Variants in WWOX observed in about 807,000 individuals in gnomAD.
The protein encoded by WWOX is WW domain-containing oxidoreductase.
Under a neutral mutation model 46.2 loss-of-function variants are expected in WWOX, and 69 were observed. That is an observed-to-expected ratio of 1.49 (90% CI 1.23 to 1.82). WWOX has a LOEUF of 1.82. Ranked by LOEUF, WWOX falls within the 40% of genes most tolerant of loss-of-function variation. The pLI is 0.00. For synonymous variants in WWOX, 359 were observed against 202.6 expected (o/e 1.77, Z -6.56); for missense variants, 919 against 542.6 (o/e 1.69, Z -6.89).
intron 8 of WWOX, among the ~76,000 whole-genome samples, chr16:78,916,430 G>A (rs1265232412): frequency 6.6e-6 from 1 of 152,112 alleles, no homozygotes; most frequent in Non-Finnish European, 1.5e-5. Flanking sequence ...TTATTCACTG[G>A]GTATAATTAG....
Position 78,279,180 on chromosome 16 carries a change from A to G in WWOX, c.517-107680A>G, listed in dbSNP as rs538598150. ...ATAGCAATAATATATTAAAAGCTCC[A>G]AGGCAGTTATGTGTGAAGAAATAAA... On this transcript the variant is annotated intron_variant, in intron 5 of 8. Transcript: ENST00000566780. Among the ~76,000 whole-genome samples, 11 of 152,334 alleles carry G rather than the reference A, an allele frequency of 7.2e-5. 1 individual carries two copies. The South Asian group carries it at 2.3e-3, about 32-fold the overall frequency.
chr16:78,503,842 A>T (rs1230688188), intron 8 of WWOX: 1 of 152,246 alleles, frequency 6.6e-6, no homozygotes, highest in South Asian at 2.1e-4. Context: ...TCTAGCAAAC[A>T]GTAGTGTTGT....
chr16:78,791,292 C>T (rs550893471), intron 8 of WWOX, among the ~76,000 whole-genome samples: 12 of 152,114 alleles, frequency 7.9e-5, no homozygotes, highest in Non-Finnish European at 1.5e-4. Context: ...TCCTGTGTGT[C>T]TGGTGATGTG....
At chr16:79,182,290 C>G (rs776859274) in intron 8 of WWOX, among the ~76,000 whole-genome samples, 4 of 151,806 alleles carry the variant, frequency 2.6e-5, no homozygotes, top group Non-Finnish European at 4.4e-5. Context: ...TGGCCCTGCC[C>G]CATGATATAC....
rs1012195246 is a variant in WWOX at position 78,900,855 on chromosome 16, A to G, written c.1057-310753A>G. On this transcript the variant is annotated intron_variant, in intron 8 of 8. Coordinates refer to ENST00000566780, the MANE Select transcript of WWOX (RefSeq NM_016373.4). ...AATCAGAGCCTTTTTTTGAAAAAAA[A>G]AAAAAAGAAAAAGATAGTTGATATT... Among the ~76,000 whole-genome samples, 194 of 151,982 alleles carry G rather than the reference A, an allele frequency of 1.3e-3. 2 individuals are homozygous for G. Among genetic ancestry groups the G allele is most frequent in the African/African-American group, 4.4e-3 (182 of 41,492 alleles).
rs1050054758 is a variant in WWOX at position 79,200,689 on chromosome 16, T to G, written c.1057-10919T>G. On this transcript the variant is annotated intron_variant, in intron 8 of 8. Coordinates refer to ENST00000566780, the MANE Select transcript of WWOX (RefSeq NM_016373.4). ...AGACTAACCCTCCCTAAGCAGCTAT[T>G]GAGCCTCACACTCCCTGGACAAAGA... Among the ~76,000 whole-genome samples, 4 of 152,258 alleles carry G rather than the reference T, an allele frequency of 2.6e-5. No homozygotes were observed. The East Asian group carries it at 5.8e-4, about 22-fold the overall frequency.
chr16:78,849,300 G>A (rs1240989521), intron 8 of WWOX, among the ~76,000 whole-genome samples: 2 of 152,134 alleles, frequency 1.3e-5, no homozygotes, highest in African/African-American at 4.8e-5. Context: ...GCCGGGCGCG[G>A]TGGCTCATGC....
At chr16:78,492,635 A>G (rs2084811644) in intron 8 of WWOX, among the ~76,000 whole-genome samples, 1 of 152,230 alleles carries the variant, frequency 6.6e-6, no homozygotes. Context: ...GACTGAATTT[A>G]TGATGAAACT....
At chr16:79,001,422 G>T (rs1340675153) in intron 8 of WWOX, among the ~76,000 whole-genome samples, 1 of 152,288 alleles carries the variant, frequency 6.6e-6, no homozygotes, top group East Asian at 1.9e-4. Context: ...TAACTCGAGT[G>T]TTCTGTGAAG....
At chr16:78,564,441 A>G (rs1263750426) in intron 8 of WWOX, among the ~76,000 whole-genome samples, 1 of 152,192 alleles carries the variant, frequency 6.6e-6, no homozygotes, top group Non-Finnish European at 1.5e-5. Flanking sequence ...TATATGCTAC[A>G]GGGATATTCA....
At chr16:78,556,223 G>T (rs1375160435) in intron 8 of WWOX, among the ~76,000 whole-genome samples, 1 of 151,490 alleles carries the variant, frequency 6.6e-6, no homozygotes, top group Non-Finnish European at 1.5e-5. Context: ...CAGATGCAAG[G>T]GAGTTTGGAA....
chr16:78,977,738 C>T (rs111740301), intron 8 of WWOX, among the ~76,000 whole-genome samples: 1 of 152,124 alleles, frequency 6.6e-6, no homozygotes, highest in Non-Finnish European at 1.5e-5. Flanking sequence ...GCCTGCAAGT[C>T]TGTGACCGTC....
chr16:79,174,468 G>A (rs994688703), intron 8 of WWOX, among the ~76,000 whole-genome samples: 3 of 152,146 alleles, frequency 2.0e-5, no homozygotes, highest in Non-Finnish European at 2.9e-5. Context: ...GACCAACATA[G>A]TGAAACCCCG....
chr16:78,636,586 C>G (rs1277480030), intron 8 of WWOX, among the ~76,000 whole-genome samples: 1 of 152,148 alleles, frequency 6.6e-6, no homozygotes, highest in Non-Finnish European at 1.5e-5. Context: ...TAATGACCCT[C>G]TTTTCTCTCA....
chr16:78,373,337 C>G (rs183873520), intron 5 of WWOX, among the ~76,000 whole-genome samples: 2 of 152,300 alleles, frequency 1.3e-5, no homozygotes, highest in Admixed American at 1.3e-4. Flanking sequence ...TATCCAAGCT[C>G]ATTTCATTTA....
intron 5 of WWOX, among the ~76,000 whole-genome samples, chr16:78,380,661 A>G (rs59534521): frequency 0.053 from 8,140 of 152,260 alleles, 288 homozygotes; most frequent in East Asian, 0.12. Flanking sequence ...GTTATGAACT[A>G]CTGATCAGGT....
intron 8 of WWOX, among the ~76,000 whole-genome samples, chr16:79,162,123 C>T (rs2050498061): frequency 2.0e-5 from 3 of 152,162 alleles, no homozygotes; most frequent in African/African-American, 7.2e-5. Flanking sequence ...CTGAGTGTTC[C>T]TACCTGTGAG....
Position 78,345,654 on chromosome 16 carries a change from A to C in WWOX, c.517-41206A>C, listed in dbSNP as rs909399625. Among the ~76,000 whole-genome samples the C allele has an allele frequency of 1.8e-4, 19 of 108,034 alleles. 6 individuals carry two copies. The highest frequency in any genetic ancestry group is 4.3e-3 in the Middle Eastern group (1 of 232). 70.9% of individuals were successfully genotyped at this position (108,034 alleles called of 152,430 possible). On this transcript the variant is annotated intron_variant, in intron 5 of 8. Transcript: ENST00000566780. ...GACCCTGTCTCAAAAAAAAAAAAAA[A>C]AAAAAAAAAGTAAAATAAAGCATGG... is the stretch of plus-strand genomic sequence containing the variant.
At chr16:78,538,607 G>T (rs993788409) in intron 8 of WWOX, among the ~76,000 whole-genome samples, 1 of 152,206 alleles carries the variant, frequency 6.6e-6, no homozygotes, top group Non-Finnish European at 1.5e-5. Context: ...TCAAGCTGCA[G>T]TTTATCATTA....
Sources: gnomAD v4.1 joint callset for allele counts (sites outside exome capture counted in the v4.1 genomes callset) on GRCh38, gnomAD v4.1.1 for gene constraint, MANE v1.5 for transcripts, NCBI Gene and HGNC (gene_info 2026-07-23, HGNC 2026-07-21) for gene names.